The following HSPG2 variants were observed in gnomAD, a reference collection of about 807,000 sequenced individuals.
HSPG2 encodes basement membrane-specific heparan sulfate proteoglycan core protein.
In HSPG2, 278 loss-of-function variants were observed where a neutral mutation model predicts 526.6. The observed-to-expected ratio is 0.53, with a 90% CI of 0.48 to 0.58. HSPG2 has a LOEUF of 0.58. HSPG2 is among the 20% of genes least tolerant of loss of function. The probability of loss-of-function intolerance (pLI) is 0.00; values close to 1 mark genes in which losing one functional copy is unlikely to be tolerated. For missense variants in HSPG2, 5,354 were observed against 6,099.5 expected, an observed-to-expected ratio of 0.88 and a Z score of 4.07; for synonymous variants, 2,465 against 2,555.4, an observed-to-expected ratio of 0.96 and a Z score of 1.07.
In HSPG2 at chr1:21,828,914, T is replaced by A; in HGVS notation, c.12158A>T (p.Tyr4053Phe). 1.3e-6 allele frequency: 2 copies of A among 1,562,732 alleles called. No homozygotes were observed. Among genetic ancestry groups the A allele is most frequent in the South Asian group, 2.4e-5 (2 of 84,814 alleles). Residue 4053 changes from tyrosine (Y) to phenylalanine (F), a missense_variant, in exon 88 of 97, where the codon TAC becomes TTC. By Grantham distance (22) the Tyr-to-Phe change is conservative (BLOSUM62 3). Coordinates refer to ENST00000374695, the MANE Select transcript of HSPG2 (RefSeq NM_005529.7). This position sits in a 1 kb window ranked among gnomAD's most constrained non-coding sequence, Gnocchi z 6.0. ...CACGGAAGGCTCCACACCCCCCAGGTAGAGCAGGGTGTGCAGGTTGAGGCC... is the reference window on the plus strand; with the variant it reads ...CACGGAAGGCTCCACACCCCCCAGGAAGAGCAGGGTGTGCAGGTTGAGGCC... ...SQGLNLHTLL[Y>F]LGGVEPSVPL...
In HSPG2 at chr1:21,834,855, T is replaced by A. The variant is rs1208715137; in HGVS notation, c.10544A>T (p.Asp3515Val). Residue 3515 changes from aspartate (D) to valine (V), a missense_variant, in exon 77 of 97, where the codon GAC becomes GTC. By Grantham distance (152) the Asp-to-Val change is radical. Coordinates refer to ENST00000374695, the MANE Select transcript of HSPG2 (RefSeq NM_005529.7). ...AVEFECLALG[D>V]PKPQVTWSKV... ...GCTCCATGTCACCTGAGGCTTGGGGTCACCCAGTGCCAGGCATTCGAACTC... is the reference window on the plus strand; with the variant it reads ...GCTCCATGTCACCTGAGGCTTGGGGACACCCAGTGCCAGGCATTCGAACTC... 1 of 1,613,842 alleles carries A rather than the reference T, an allele frequency of 6.2e-7. No individual in the cohort carries two copies. Among genetic ancestry groups the A allele is most frequent in the African/African-American group, 1.3e-5 (1 of 74,896 alleles).
rs182649130 is a variant in HSPG2, at chr1:21,858,890, C to T, written c.5293+676G>A. Among the ~76,000 whole-genome samples, 104 of 152,240 alleles carry T rather than the reference C, an allele frequency of 6.8e-4. No individual in the cohort carries two copies. Among genetic ancestry groups the T allele is most frequent in the African/African-American group, 2.3e-3 (94 of 41,548 alleles). ...CCCAGGGCAGGGTGACTTTGAGGTG[C>T]GTGTTTTACACCGGCTCCCTTTAAA... is the stretch of plus-strand genomic sequence containing the variant. On this transcript the variant is annotated intron_variant, in intron 42 of 96. Transcript: ENST00000374695. The surrounding 1 kb of genome is among the most constrained non-coding windows in gnomAD (Gnocchi z 4.2).
chr1:21,864,219 G>A lies in HSPG2; in HGVS notation c.4627-6C>T. The A allele has an allele frequency of 6.5e-7, 1 of 1,550,306 alleles. No individual in the cohort carries two copies. The highest frequency in any genetic ancestry group is 8.7e-7 in the Non-Finnish European group (1 of 1,146,554). On this transcript the variant is annotated splice_polypyrimidine_tract_variant and splice_region_variant and intron_variant, in intron 36 of 96. Transcript: ENST00000374695. The surrounding 1 kb of genome is among the most constrained non-coding windows in gnomAD (Gnocchi z 4.8). The stretch of plus-strand genomic sequence containing the variant: ...GTGTAGCCGGGGGCACAGTCCTAGG[G>A]GCAGAGAGGAAGGTTGGCCTCTGTT...
chr1:21,929,860 C>T (rs1644304146), intron 1 of HSPG2, among the ~76,000 whole-genome samples: 1 of 152,174 alleles, frequency 6.6e-6, no homozygotes, highest in Admixed American at 6.5e-5. Flanking sequence ...ATTCAACCAT[C>T]TCCCACCTCC....
chr1:21,841,148 A>G lies in HSPG2; in HGVS notation c.9466T>C (p.Leu3156=). ...ATGAGCCCATATGTCCGCTGCTCCAACTTGGCAGGGGTGCTGCTGATCCGG... is the reference window on the plus strand; with the variant it reads ...ATGAGCCCATATGTCCGCTGCTCCAGCTTGGCAGGGGTGCTGCTGATCCGG... ...WTRISSTPAK[L]EQRTYGLMDS... is the part of the protein sequence containing the mutation. The change falls in exon 71 of 97, where the codon TTG becomes CTG. Residue 3156 remains leucine (L), a synonymous_variant. Coordinates refer to ENST00000374695, the MANE Select transcript of HSPG2 (RefSeq NM_005529.7). 1.2e-6 allele frequency: 2 copies of G among 1,613,636 alleles called. No homozygotes were observed. Among genetic ancestry groups the G allele is most frequent in the Middle Eastern group, 1.6e-4 (1 of 6,062 alleles).
At chr1:21,874,803 G>T in intron 26 of HSPG2, 74 bp from the exon 27 acceptor site, 1 of 1,507,778 alleles carries the variant, frequency 6.6e-7, no homozygotes, top group Non-Finnish European at 9.1e-7. Context: ...GGATGGCCAG[G>T]GCTGGGGAGG....
At position 21,865,284 on chromosome 1, in the gene HSPG2, C is replaced by T; in HGVS notation, c.4395+1G>A. On this transcript the variant is annotated splice_donor_variant, in intron 35 of 96. Transcript: ENST00000374695. LOFTEE classifies it high-confidence loss of function. The surrounding 1 kb of genome is among the most constrained non-coding windows in gnomAD (Gnocchi z 5.4). ...ACACAGCATGGCCAGGTGCCCCTTA[C>T]CTCTCGGAACATGATCTCGTAGCTC... 1 of 1,613,992 alleles carries T rather than the reference C, an allele frequency of 6.2e-7. No homozygotes were observed. The highest frequency in any genetic ancestry group is 8.5e-7 in the Non-Finnish European group (1 of 1,179,900).
At position 21,841,104 on chromosome 1, in the gene HSPG2, C is replaced by A. The variant is rs1268756484; in HGVS notation, c.9510G>T (p.Leu3170=). 6.2e-7 allele frequency: 1 copy of A among 1,603,576 alleles called. No homozygotes were observed. Among genetic ancestry groups the A allele is most frequent in the African/African-American group, 1.3e-5 (1 of 74,846 alleles). The stretch of plus-strand genomic sequence containing the variant: ...AGAGAGGCAGCCCCGGCTTCACCTG[C>A]AGCACCGCGTGGCTGTCCATGAGCC... ...TYGLMDSHAV[L]QISSAKPSDA... is the part of the protein sequence containing the mutation. Residue 3170 remains leucine, a synonymous_variant, in exon 71 of 97, where the codon CTG becomes CTT. Transcript: ENST00000374695.
At chr1:21,880,602 A>T in intron 15 of HSPG2, 43 bp from the exon 16 acceptor site, 6 of 1,604,356 alleles carry the variant, frequency 3.7e-6, no homozygotes, top group Non-Finnish European at 5.1e-6. Context: ...ATCAGTGCCT[A>T]CCCAGCCTAA....
rs564909231 is a variant in HSPG2 at position 21,831,356 on chromosome 1, G to A, written c.11453-32C>T. On this transcript the variant is annotated intron_variant, in intron 83 of 96. Coordinates refer to ENST00000374695, the MANE Select transcript of HSPG2 (RefSeq NM_005529.7). ...GGTGAGTGGGCAGGATGAGCACAGG[G>A]CAGGGTGTCCCAGCCCATACCCTGA... The A allele has an allele frequency of 5.6e-6, 9 of 1,606,600 alleles. No individual in the cohort carries two copies. In the South Asian group the frequency reaches 6.6e-5, roughly 12 times the overall value.
At chr1:21,916,871 G>A (rs1411008567) in intron 1 of HSPG2, among the ~76,000 whole-genome samples, 2 of 152,210 alleles carry the variant, frequency 1.3e-5, no homozygotes, top group Non-Finnish European at 2.9e-5. Context: ...GGAAACTGAG[G>A]TTTGCCAAGG....
chr1:21,834,749 C>G lies in HSPG2; in HGVS notation c.10650G>C (p.Ala3550=). 1 of 1,614,188 alleles carries G rather than the reference C, an allele frequency of 6.2e-7. No individual in the cohort carries two copies. The highest frequency in any genetic ancestry group is 8.5e-7 in the Non-Finnish European group (1 of 1,180,026). ...VRIAHVELAD[A]GQYRCTATNA... The stretch of plus-strand genomic sequence containing the variant: ...TGGTGGCAGTGCAGCGATACTGTCC[C>G]GCATCAGCCAGCTCTACGTGGGCGA... Residue 3550 remains alanine, a synonymous_variant, in exon 77 of 97, where the codon GCG becomes GCC. Coordinates refer to ENST00000374695, the MANE Select transcript of HSPG2 (RefSeq NM_005529.7).
In HSPG2 at chr1:21,872,919, C is replaced by A; in HGVS notation, c.3888+78G>T. The A allele has an allele frequency of 1.9e-6, 3 of 1,554,972 alleles. No homozygotes were observed. Among genetic ancestry groups the A allele is most frequent in the Non-Finnish European group, 2.7e-6 (3 of 1,127,038 alleles). On this transcript the variant is annotated intron_variant, in intron 31 of 96. Coordinates refer to ENST00000374695, the MANE Select transcript of HSPG2 (RefSeq NM_005529.7). This position sits in a 1 kb window ranked among gnomAD's most constrained non-coding sequence, Gnocchi z 5.5. ...CCCATGCCCAGGTCTCGGCTTCCAC[C>A]AGATGCTGCCTGATTTCCCCGCAGG... is the stretch of plus-strand genomic sequence containing the variant.
At chr1:21,840,669 G>A (rs1243553128) in intron 71 of HSPG2, among the ~76,000 whole-genome samples, 1 of 151,994 alleles carries the variant, frequency 6.6e-6, no homozygotes, top group African/African-American at 2.4e-5. Context: ...TCGAACTCCT[G>A]ACCTCAGGTG....
chr1:21,924,372 A>G (rs1190950322), intron 1 of HSPG2, among the ~76,000 whole-genome samples: 3 of 152,158 alleles, frequency 2.0e-5, no homozygotes, highest in African/African-American at 7.2e-5. Context: ...CCAGAAAATA[A>G]CAGTGTCAGG....
At position 21,851,740 on chromosome 1, in the gene HSPG2, C is replaced by T. The variant is rs750813399; in HGVS notation, c.7007-43G>A. Reference sequence around the variant, plus strand: ...CACCGGTCACTCCTGTTCTCTGAAGCCACTCCAGCCTGTTCTCTGCATCCC... The same window carrying T: ...CACCGGTCACTCCTGTTCTCTGAAGTCACTCCAGCCTGTTCTCTGCATCCC... On this transcript the variant is annotated intron_variant, in intron 54 of 96. Coordinates refer to ENST00000374695, the MANE Select transcript of HSPG2 (RefSeq NM_005529.7). 50 of 1,613,826 alleles carry T rather than the reference C, an allele frequency of 3.1e-5. No individual in the cohort carries two copies. In the East Asian group the frequency reaches 1.1e-3, roughly 35 times the overall value.
chr1:21,849,983 T>C (rs1217909003), intron 57 of HSPG2, 58 bp downstream of exon 57: 20 of 1,606,574 alleles, frequency 1.2e-5, no homozygotes, highest in African/African-American at 2.7e-5. Flanking sequence ...CGGTCAAGCC[T>C]ATGCTCTTGT....
At chr1:21,928,841 C>A (rs983523754) in intron 1 of HSPG2, among the ~76,000 whole-genome samples, 1 of 152,050 alleles carries the variant, frequency 6.6e-6, no homozygotes, top group African/African-American at 2.4e-5. Flanking sequence ...CCTCCGCCTC[C>A]CGGGTTCAAG....
intron 86 of HSPG2, 141 bp from the exon 87 acceptor site, chr1:21,829,745 T>C (rs976123500): frequency 2.6e-6 from 2 of 772,108 alleles, no homozygotes; most frequent in African/African-American, 3.5e-5. Context: ...CCAGCTGCAG[T>C]GGCACAGGAG....
Sources: allele counts gnomAD v4.1 joint callset (sites outside exome capture counted in the v4.1 genomes callset), GRCh38; gene constraint gnomAD v4.1.1; non-coding constraint Gnocchi (gnomAD v3.1); transcripts MANE v1.5; gene names NCBI Gene and HGNC (gene_info 2026-07-23, HGNC 2026-07-21).